The following CMSS1 variants were observed in gnomAD, a reference collection of about 807,000 sequenced individuals.
CMSS1 encodes protein CMSS1.
CMSS1 carries 33 observed loss-of-function variants against 43.5 expected under a neutral mutation model. That is an observed-to-expected ratio of 0.76 (90% CI 0.57 to 1.01). The LOEUF is 1.01. CMSS1 is among the 50% of genes least tolerant of loss of function. The pLI is 0.00. For synonymous variants in CMSS1, 115 were observed against 117.2 expected, an observed-to-expected ratio of 0.98 and a Z score of 0.12; for missense variants, 313 against 326.4, an observed-to-expected ratio of 0.96 and a Z score of 0.32.
intron 1 of CMSS1, among the ~76,000 whole-genome samples, chr3:100,037,958 G>GT (rs1559735195): frequency 6.5e-3 from 65 of 10,068 alleles, no homozygotes; most frequent in Middle Eastern, 0.045. Context: ...TTTTTTTTTG[G>GT]GGGGGGAGGG....
At chr3:100,153,675 T>G (rs2066943161) in intron 2 of CMSS1, among the ~76,000 whole-genome samples, 1 of 152,164 alleles carries the variant, frequency 6.6e-6, no homozygotes, top group Non-Finnish European at 1.5e-5. Flanking sequence ...TAGTTGCCTC[T>G]TTAAAGGCCC....
chr3:100,069,987 T>C (rs1005973093), intron 1 of CMSS1, among the ~76,000 whole-genome samples: 4 of 152,236 alleles, frequency 2.6e-5, no homozygotes, highest in Non-Finnish European at 5.9e-5. Flanking sequence ...TTTTTCCTTT[T>C]ATTTCAAACA....
chr3:99,965,051 T>C (rs982249324), intron 1 of CMSS1, among the ~76,000 whole-genome samples: 1 of 152,238 alleles, frequency 6.6e-6, no homozygotes, highest in Admixed American at 6.5e-5. Context: ...TGATACCTTA[T>C]AAAGTTTTAA....
At chr3:99,873,602 C>A (rs1210779849) in intron 1 of CMSS1, among the ~76,000 whole-genome samples, 1 of 152,182 alleles carries the variant, frequency 6.6e-6, no homozygotes. Flanking sequence ...GAATCTTATT[C>A]TTCCTCCTAC....
intron 1 of CMSS1, among the ~76,000 whole-genome samples, chr3:99,847,606 T>C (rs966988798): frequency 2.6e-5 from 4 of 152,220 alleles, no homozygotes; most frequent in Admixed American, 2.0e-4. Context: ...TTTTATTTCA[T>C]TATTATAAAC....
At chr3:100,021,978 A>T (rs1274794814) in intron 1 of CMSS1, among the ~76,000 whole-genome samples, 8 of 151,170 alleles carry the variant, frequency 5.3e-5, no homozygotes, top group African/African-American at 1.9e-4. Flanking sequence ...AGAGAGAGAG[A>T]GAGAGAGAGA....
chr3:100,177,664 G>A (rs1172669475), intron 9 of CMSS1, among the ~76,000 whole-genome samples: 1 of 152,140 alleles, frequency 6.6e-6, no homozygotes, highest in Non-Finnish European at 1.5e-5. Context: ...GTTTTATATA[G>A]TACCTCCTCC....
chr3:100,088,988 TAC>T (rs1447867225), intron 1 of CMSS1, among the ~76,000 whole-genome samples: 1 of 152,242 alleles, frequency 6.6e-6, no homozygotes, highest in Non-Finnish European at 1.5e-5. Flanking sequence ...AATCATGGTT[TAC>T]ACTCTCCAGA....
intron 1 of CMSS1, among the ~76,000 whole-genome samples, chr3:99,832,614 G>A (rs1279075508): frequency 4.8e-5 from 7 of 146,060 alleles, no homozygotes; most frequent in African/African-American, 1.5e-4. Flanking sequence ...AGGCTGAGGC[G>A]GGCGGATCAC....
rs2066567422 is a variant in CMSS1 at position 100,116,169 on chromosome 3, T to C, written c.65-30804T>C. ...TTAAGGTGGTATCTGTTAGATTTACTGTAAAATTATGGTTTTTCCTTTTGC... is the reference window on the plus strand; with the variant it reads ...TTAAGGTGGTATCTGTTAGATTTACCGTAAAATTATGGTTTTTCCTTTTGC... On this transcript the variant is annotated intron_variant, in intron 1 of 9. Coordinates refer to ENST00000421999, the MANE Select transcript of CMSS1 (RefSeq NM_032359.4). Among the ~76,000 whole-genome samples the C allele has an allele frequency of 2.0e-5, 3 of 152,234 alleles. No individual in the cohort carries two copies. The South Asian group carries it at 6.2e-4, about 31-fold the overall frequency.
intron 1 of CMSS1, among the ~76,000 whole-genome samples, chr3:100,020,821 A>T (rs1438276556): frequency 2.5e-5 from 3 of 118,452 alleles, no homozygotes; most frequent in African/African-American, 3.3e-5. Flanking sequence ...GGTTTGGAGT[A>T]CAGTGGCACG....
intron 1 of CMSS1, among the ~76,000 whole-genome samples, chr3:99,890,257 T>C (rs1052399370): frequency 6.6e-6 from 1 of 152,144 alleles, no homozygotes; most frequent in African/African-American, 2.4e-5. Flanking sequence ...GTCATTCCTT[T>C]TTTCCCTGGC....
chr3:100,107,201 A>G (rs1284881011), intron 1 of CMSS1, among the ~76,000 whole-genome samples: 1 of 152,152 alleles, frequency 6.6e-6, no homozygotes, highest in Non-Finnish European at 1.5e-5. Flanking sequence ...TCTCTTTTCA[A>G]CTGAAATTGC....
At chr3:100,077,242 ACT>A (rs993367302) in intron 1 of CMSS1, among the ~76,000 whole-genome samples, 6 of 151,786 alleles carry the variant, frequency 4.0e-5, no homozygotes, top group African/African-American at 1.5e-4. Context: ...TCATGCAGAA[ACT>A]CTCTATCTGC....
intron 1 of CMSS1, among the ~76,000 whole-genome samples, chr3:100,080,712 T>C (rs2065920237): frequency 6.6e-6 from 1 of 152,218 alleles, no homozygotes; most frequent in Admixed American, 6.5e-5. Context: ...ATCGATGCCA[T>C]TTCTTGGTCA....
At chr3:99,834,852 T>C (rs1942831618) in intron 1 of CMSS1, among the ~76,000 whole-genome samples, 1 of 152,234 alleles carries the variant, frequency 6.6e-6, no homozygotes, top group Non-Finnish European at 1.5e-5. Flanking sequence ...GCAAACACTT[T>C]ACCCATGTAA....
chr3:99,974,348 G>A (rs1040953146), intron 1 of CMSS1, among the ~76,000 whole-genome samples: 1 of 152,172 alleles, frequency 6.6e-6, no homozygotes, highest in Non-Finnish European at 1.5e-5. Flanking sequence ...TGTAAGTTTA[G>A]TAAAGCCCAT....
intron 1 of CMSS1, among the ~76,000 whole-genome samples, chr3:99,975,814 A>G (rs1171359521): frequency 1.3e-5 from 2 of 152,172 alleles, no homozygotes; most frequent in Non-Finnish European, 2.9e-5. Context: ...TTGTAGAAGG[A>G]AAGTTTAGAA....
intron 1 of CMSS1, among the ~76,000 whole-genome samples, chr3:99,819,623 A>T (rs949875681): frequency 1.3e-5 from 2 of 152,212 alleles, no homozygotes; most frequent in Admixed American, 1.3e-4. Flanking sequence ...AGTTTAGTCA[A>T]GTGTGATTGA....
Sources: allele counts gnomAD v4.1 joint callset (sites outside exome capture counted in the v4.1 genomes callset), GRCh38; gene constraint gnomAD v4.1.1; transcripts MANE v1.5; gene names NCBI Gene and HGNC (gene_info 2026-07-23, HGNC 2026-07-21).